The following TRPM7 variants were observed in gnomAD, a reference collection of about 807,000 sequenced individuals.
The protein encoded by TRPM7 is LTRPC ion channel family member 7.
Under a neutral mutation model 229.7 loss-of-function variants are expected in TRPM7, and 134 were observed. That is an observed-to-expected ratio of 0.58 (90% CI 0.51 to 0.67). The LOEUF (loss-of-function observed/expected upper bound fraction) is 0.67, where lower values mean the gene tolerates loss of function less well. Ranked by LOEUF, TRPM7 falls within the 30% of genes least tolerant of loss-of-function variation. TRPM7 has a pLI of 0.00. For missense variants in TRPM7, 1,901 were observed against 2,210.0 expected, an observed-to-expected ratio of 0.86 and a Z score of 2.80; for synonymous variants, 699 against 715.2, an observed-to-expected ratio of 0.98 and a Z score of 0.36.
chr15:50,590,841 A>AGGGG (rs71124382), intron 26 of TRPM7, among the ~76,000 whole-genome samples: 4 of 149,960 alleles, frequency 2.7e-5, no homozygotes, highest in East Asian at 3.9e-4. Flanking sequence ...AAAAAAAAAA[A>AGGGG]GGGGGAATAT....
intron 31 of TRPM7, 93 bp from the exon 32 acceptor site, chr15:50,576,012 T>C (rs932400932): frequency 4.8e-5 from 63 of 1,318,656 alleles, no homozygotes; most frequent in Non-Finnish European, 6.4e-5. Context: ...ATTTTGAATT[T>C]CCATAGTGTA....
intron 1 of TRPM7, among the ~76,000 whole-genome samples, chr15:50,674,417 C>A (rs2062051533): frequency 6.6e-6 from 1 of 152,200 alleles, no homozygotes; most frequent in South Asian, 2.1e-4. Flanking sequence ...CAGGGGTGAG[C>A]CGTGGCACCC....
chr15:50,613,727 C>A lies in TRPM7; in HGVS notation c.1750G>T (p.Ala584Ser), dbSNP rs943843071. Reference protein sequence around the residue: ...KMRHNHFIKTAQPYRPKIDTV... With the variant: ...KMRHNHFIKTSQPYRPKIDTV... ...TTTACCTTTGGTCGGTAGGGCTGTGCTGTCTTAATGAAATGGTTATGCCTC... is the reference window on the plus strand; with the variant it reads ...TTTACCTTTGGTCGGTAGGGCTGTGATGTCTTAATGAAATGGTTATGCCTC... The change falls in exon 15 of 39, where the codon GCA becomes TCA. Residue 584 changes from alanine (A) to serine (S), a missense_variant. By Grantham distance (99) the Ala-to-Ser change is moderately conservative. Coordinates refer to ENST00000646667, the MANE Select transcript of TRPM7 (RefSeq NM_017672.6). The A allele has an allele frequency of 6.2e-7, 1 of 1,607,216 alleles. No individual in the cohort carries two copies. Among genetic ancestry groups the A allele is most frequent in the Non-Finnish European group, 8.5e-7 (1 of 1,177,040 alleles).
intron 15 of TRPM7, among the ~76,000 whole-genome samples, chr15:50,613,225 T>C (rs983335946): frequency 6.6e-5 from 10 of 152,148 alleles, no homozygotes; most frequent in Admixed American, 6.5e-4. Context: ...AAATGTACGC[T>C]GGGCGCGGTG....
Position 50,606,379 on chromosome 15 carries a change from A to AAAACAAACAAACAAAC in TRPM7, c.2709+805_2709+820dup, listed in dbSNP as rs373781520. On this transcript the variant is annotated intron_variant, in intron 20 of 38. Transcript: ENST00000646667. Reference sequence around the variant, plus strand: ...GGGTCACAGAGGGAGACTACGTCTCAAAACAAACAAACAAACAAACAAACA... The same window carrying AAAACAAACAAACAAAC: ...GGGTCACAGAGGGAGACTACGTCTCAAAACAAACAAACAAACAAACAAACAAACAAACAAACAAACA... Among the ~76,000 whole-genome samples the AAAACAAACAAACAAAC allele has an allele frequency of 2.0e-3, 299 of 151,974 alleles. 1 individual carries two copies. The highest frequency in any genetic ancestry group is 7.0e-3 in the African/African-American group (290 of 41,342).
intron 13 of TRPM7, among the ~76,000 whole-genome samples, chr15:50,614,870 T>A (rs1215349246): frequency 2.6e-5 from 4 of 151,882 alleles, no homozygotes; most frequent in Admixed American, 6.6e-5. Flanking sequence ...CCCAACACTT[T>A]ACACATGAGA....
intron 20 of TRPM7, among the ~76,000 whole-genome samples, chr15:50,605,667 C>T (rs908929400): frequency 3.3e-5 from 5 of 152,146 alleles, no homozygotes; most frequent in Non-Finnish European, 1.5e-5. Context: ...GCAAAGCATC[C>T]GTTTCACTCT....
intron 36 of TRPM7, among the ~76,000 whole-genome samples, chr15:50,573,809 C>G (rs1027546787): frequency 6.6e-6 from 1 of 152,078 alleles, no homozygotes; most frequent in Admixed American, 6.6e-5. Flanking sequence ...TCCTGTAATC[C>G]CAGCACTTTG....
chr15:50,582,055 C>G (rs2054441739), intron 29 of TRPM7, among the ~76,000 whole-genome samples: 1 of 152,144 alleles, frequency 6.6e-6, no homozygotes, highest in Non-Finnish European at 1.5e-5. Flanking sequence ...CTCCACCTCC[C>G]TGGTTCAGGA....
chr15:50,648,054 G>A (rs2061319029), intron 4 of TRPM7, among the ~76,000 whole-genome samples: 1 of 152,142 alleles, frequency 6.6e-6, no homozygotes, highest in African/African-American at 2.4e-5. Flanking sequence ...GGGATGATAG[G>A]CGTGAGCCAC....
intron 30 of TRPM7, among the ~76,000 whole-genome samples, chr15:50,578,951 C>T (rs1469361427): frequency 6.6e-6 from 1 of 151,798 alleles, no homozygotes; most frequent in African/African-American, 2.4e-5. Context: ...AGGCTCTATA[C>T]TAATAAACTA....
In TRPM7 at chr15:50,579,454, C is replaced by A. The variant is rs549520875; in HGVS notation, c.4593-790G>T. ...ATTTTCTTACAAAAAGTATTTTGAA[C>A]CTAACATCATTCCTTTGCCTGCTGC... On this transcript the variant is annotated intron_variant, in intron 30 of 38. Transcript: ENST00000646667. Among the ~76,000 whole-genome samples the A allele has an allele frequency of 3.9e-5, 6 of 152,298 alleles. No individual in the cohort carries two copies. In the South Asian group the frequency reaches 1.0e-3, roughly 26 times the overall value.
intron 6 of TRPM7, among the ~76,000 whole-genome samples, chr15:50,638,928 G>A (rs977924004): frequency 6.6e-6 from 1 of 152,114 alleles, no homozygotes; most frequent in African/African-American, 2.4e-5. Flanking sequence ...TGATCAGCCC[G>A]CCTCAGCCTC....
intron 23 of TRPM7, 92 bp from the exon 24 acceptor site, chr15:50,594,705 A>G: frequency 1.2e-6 from 1 of 863,352 alleles, no homozygotes; most frequent in Non-Finnish European, 1.7e-6. Flanking sequence ...TCTGTACTAA[A>G]TAATAATTCA....
intron 1 of TRPM7, among the ~76,000 whole-genome samples, chr15:50,664,628 A>G (rs911008433): frequency 1.3e-5 from 2 of 152,206 alleles, no homozygotes; most frequent in African/African-American, 2.4e-5. Context: ...GGCTCACAGA[A>G]GATTAACACA....
intron 27 of TRPM7, among the ~76,000 whole-genome samples, chr15:50,587,516 C>G (rs2059376390): frequency 6.9e-6 from 1 of 145,110 alleles, no homozygotes; most frequent in South Asian, 2.2e-4. Flanking sequence ...CTTGCAATGT[C>G]TTGTTTTTAT....
intron 2 of TRPM7, among the ~76,000 whole-genome samples, chr15:50,661,554 A>T (rs2140914451): frequency 6.6e-6 from 1 of 152,010 alleles, no homozygotes; most frequent in East Asian, 1.9e-4. Context: ...AGAATTTTTT[A>T]AAATGTTAAA....
At chr15:50,665,879 G>C (rs1449455781) in intron 1 of TRPM7, among the ~76,000 whole-genome samples, 1 of 152,054 alleles carries the variant, frequency 6.6e-6, no homozygotes, top group Non-Finnish European at 1.5e-5. Context: ...TGTAATCCCA[G>C]CTACTCGAGA....
chr15:50,634,326 AAAATAAATAAAT>A lies in TRPM7; in HGVS notation c.1007+44_1007+55del, dbSNP rs140256469. ...GGAGACACAGCAAGACTCCGTATCA[AAAATAAATAAAT>A]AAATAAATAAATAAAATTAATTAAA... On this transcript the variant is annotated intron_variant, in intron 8 of 38. Coordinates refer to ENST00000646667, the MANE Select transcript of TRPM7 (RefSeq NM_017672.6). 8.1e-5 allele frequency: 99 copies of A among 1,216,782 alleles called. 1 individual carries two copies. The Middle Eastern group carries it at 8.8e-4, about 11-fold the overall frequency. The allele number at this position is 1,216,782 out of a possible 1,614,324, so 75.4% of individuals were successfully genotyped here.
Sources: gnomAD v4.1 joint callset for allele counts (sites outside exome capture counted in the v4.1 genomes callset) on GRCh38, gnomAD v4.1.1 for gene constraint, MANE v1.5 for transcripts, NCBI Gene and HGNC (gene_info 2026-07-23, HGNC 2026-07-21) for gene names.